Variants in IRAK2 observed in about 807,000 individuals in gnomAD.
IRAK2 encodes the protein interleukin-1 receptor-associated kinase-like 2.
IRAK2 carries 57 observed loss-of-function variants against 72.0 expected under a neutral mutation model. The ratio of observed to expected loss-of-function variants is 0.79; its 90% CI spans 0.64 to 0.99. The LOEUF (loss-of-function observed/expected upper bound fraction) is 0.99, where lower values mean the gene tolerates loss of function less well. Among genes scored for constraint, IRAK2 ranks in the 50% least tolerant of loss-of-function variants. The pLI is 0.00. For missense variants in IRAK2, 790 were observed against 794.4 expected (o/e 0.99, Z 0.07); for synonymous variants, 293 against 312.7 (o/e 0.94, Z 0.67).
intron 10 of IRAK2, among the ~76,000 whole-genome samples, chr3:10,232,271 A>T (rs1266375909): frequency 2.0e-5 from 3 of 152,196 alleles, no homozygotes; most frequent in Non-Finnish European, 4.4e-5. Context: ...TTTGCTCATT[A>T]CATCCTGTGG....
chr3:10,198,918 T>C (rs13326478), intron 2 of IRAK2, among the ~76,000 whole-genome samples: 4,243 of 152,168 alleles, frequency 0.028, 209 homozygotes, highest in African/African-American at 0.097. Context: ...TTCTCAAACA[T>C]GAGTCTATCC....
chr3:10,197,603 A>G (rs1368083594), intron 2 of IRAK2, among the ~76,000 whole-genome samples: 3 of 152,194 alleles, frequency 2.0e-5, no homozygotes. Flanking sequence ...CTGTAATCCC[A>G]GCACTTTGGG....
intron 2 of IRAK2, among the ~76,000 whole-genome samples, chr3:10,193,936 G>GTTTTTAAAAA (rs1697222939): frequency 6.6e-6 from 1 of 152,258 alleles, no homozygotes; most frequent in Non-Finnish European, 1.5e-5. Context: ...TTCCATTAGA[G>GTTTTTAAAAA]TGTTTAAAAT....
chr3:10,227,539 T>C (rs1697798973), intron 10 of IRAK2, among the ~76,000 whole-genome samples: 1 of 152,180 alleles, frequency 6.6e-6, no homozygotes, highest in South Asian at 2.1e-4. Flanking sequence ...TTTTCCATGA[T>C]AGAGTCATTA....
chr3:10,198,682 A>C (rs1416370665), intron 2 of IRAK2, among the ~76,000 whole-genome samples: 5 of 152,208 alleles, frequency 3.3e-5, no homozygotes, highest in Admixed American at 6.5e-5. Flanking sequence ...CTATTATTTT[A>C]GTTCAAAAGC....
At chr3:10,187,619 C>T (rs140612365) in intron 2 of IRAK2, among the ~76,000 whole-genome samples, 1 of 152,334 alleles carries the variant, frequency 6.6e-6, no homozygotes, top group Non-Finnish European at 1.5e-5. Context: ...CATACTTTAT[C>T]ACTGCCTCTG....
intron 9 of IRAK2, among the ~76,000 whole-genome samples, chr3:10,224,318 C>T (rs779053932): frequency 5.6e-5 from 8 of 142,466 alleles, no homozygotes; most frequent in Admixed American, 4.3e-4. Context: ...GCCTGGGCAA[C>T]AGAGCAAGAT....
chr3:10,209,658 T>C lies in IRAK2; in HGVS notation c.494T>C (p.Leu165Ser). Residue 165 changes from leucine to serine, a missense_variant, in exon 4 of 13, where the codon TTG becomes TCG. Coordinates refer to ENST00000256458, the MANE Select transcript of IRAK2 (RefSeq NM_001570.4). ...CCTGAAGAAGATGCCCCTCATTCCT[T>C]GAGAAGCGACCTCCCCACTTCGTCT... ...QPPEEDAPHS[L>S]RSDLPTSSDS... is the part of the protein sequence containing the mutation. 6.4e-7 allele frequency: 1 copy of C among 1,562,694 alleles called. No homozygotes were observed. The highest frequency in any genetic ancestry group is 8.6e-7 in the Non-Finnish European group (1 of 1,156,680).
At chr3:10,172,589 C>T (rs1375367637) in intron 1 of IRAK2, among the ~76,000 whole-genome samples, 1 of 142,828 alleles carries the variant, frequency 7.0e-6, no homozygotes, top group Non-Finnish European at 1.5e-5. Flanking sequence ...CCTGTAATCC[C>T]AGCACTTTGG....
At chr3:10,179,182 T>A (rs991819228) in intron 2 of IRAK2, among the ~76,000 whole-genome samples, 2 of 152,152 alleles carry the variant, frequency 1.3e-5, no homozygotes, top group African/African-American at 2.4e-5. Flanking sequence ...ACACATTCTT[T>A]CTAATAGCTA....
intron 1 of IRAK2, among the ~76,000 whole-genome samples, chr3:10,167,571 T>C (rs6442157): frequency 0.099 from 15,102 of 152,052 alleles, 903 homozygotes; most frequent in African/African-American, 0.17. Flanking sequence ...CCTGCCACCA[T>C]GCCCGGCTAA....
At chr3:10,186,783 C>CTTT (rs4020034) in intron 2 of IRAK2, among the ~76,000 whole-genome samples, 11,098 of 124,472 alleles carry the variant, frequency 0.089, 1,242 homozygotes, top group African/African-American at 0.26. Flanking sequence ...TCTTTCTTTC[C>CTTT]TTTTTTTTTT....
At chr3:10,221,248 A>ATTTTTTTT (rs34742796) in intron 8 of IRAK2, among the ~76,000 whole-genome samples, 1 of 89,714 alleles carries the variant, frequency 1.1e-5, no homozygotes, top group Non-Finnish European at 2.0e-5. Flanking sequence ...AAAAAAAAAA[A>ATTTTTTTT]TTTTTTTTTT....
chr3:10,177,384 C>T (rs1007053664), intron 1 of IRAK2, among the ~76,000 whole-genome samples: 1 of 152,254 alleles, frequency 6.6e-6, no homozygotes, highest in East Asian at 1.9e-4. Flanking sequence ...CCCTAGGTGC[C>T]TCACCTGACT....
rs1025072493 is a variant in IRAK2 at position 10,189,264 on chromosome 3, C to T, written c.278-11105C>T. 3.0e-4 allele frequency among the ~76,000 whole-genome samples: 46 copies of T among 152,174 alleles called. 1 individual carries two copies. Among genetic ancestry groups the T allele is most frequent in the African/African-American group, 1.1e-3 (44 of 41,494 alleles). On this transcript the variant is annotated intron_variant, in intron 2 of 12. Transcript: ENST00000256458. ...GAATAGTGGACCAAGAAGTGAAGGA[C>T]GACACACACATATCTAGCCGGGGGG...
At position 10,178,142 on chromosome 3, in the gene IRAK2, G is replaced by C. The variant is rs1696907063; in HGVS notation, c.277+122G>C. The C allele has an allele frequency of 9.7e-6, 8 of 821,920 alleles. No homozygotes were observed. The South Asian group carries it at 1.5e-4, about 15-fold the overall frequency. The allele number at this position is 821,920 out of a possible 1,614,324, so 50.9% of individuals were successfully genotyped here. A position where few individuals can be genotyped will look rare whatever the true frequency, so the allele number is the denominator to read the frequency against. ...CTCTTTTAATTAAAAAATTTAATGA[G>C]TGAGTTTACCATGCACATAAGAAAC... On this transcript the variant is annotated intron_variant, in intron 2 of 12. Coordinates refer to ENST00000256458, the MANE Select transcript of IRAK2 (RefSeq NM_001570.4).
chr3:10,201,195 A>C (rs1007451491), intron 3 of IRAK2, among the ~76,000 whole-genome samples: 2 of 152,202 alleles, frequency 1.3e-5, no homozygotes, highest in African/African-American at 4.8e-5. Flanking sequence ...ACTAACTATG[A>C]ATTAGGTATT....
At chr3:10,198,182 G>A (rs765705478) in intron 2 of IRAK2, among the ~76,000 whole-genome samples, 3 of 152,214 alleles carry the variant, frequency 2.0e-5, no homozygotes, top group Non-Finnish European at 4.4e-5. Flanking sequence ...CTGGGCGACA[G>A]AGCGAGACTC....
intron 10 of IRAK2, among the ~76,000 whole-genome samples, chr3:10,234,198 T>C (rs1416280192): frequency 6.6e-6 from 1 of 152,066 alleles, no homozygotes; most frequent in Non-Finnish European, 1.5e-5. Flanking sequence ...ATTTTCCTGA[T>C]GAACCAACCG....
Sources: gnomAD v4.1 joint callset for allele counts (sites outside exome capture counted in the v4.1 genomes callset) on GRCh38, gnomAD v4.1.1 for gene constraint, MANE v1.5 for transcripts, NCBI Gene and HGNC (gene_info 2026-07-23, HGNC 2026-07-21) for gene names.